The following MYO5B variants were observed in gnomAD, a reference collection of about 807,000 sequenced individuals.
MYO5B encodes myosin VB.
A neutral mutation model predicts 229.3 loss-of-function variants in MYO5B; 143 were observed. The observed-to-expected ratio is 0.62, with a 90% CI of 0.54 to 0.72. The LOEUF (loss-of-function observed/expected upper bound fraction) is 0.72. Ranked by LOEUF, MYO5B falls within the 30% of genes least tolerant of loss-of-function variation. The pLI, the probability that MYO5B is intolerant of heterozygous loss-of-function variation, is 0.00. For synonymous variants in MYO5B, 918 were observed against 885.2 expected, an observed-to-expected ratio of 1.04 and a Z score of -0.66; for missense variants, 2,321 against 2,331.0, an observed-to-expected ratio of 1.00 and a Z score of 0.09.
At chr18:49,958,611 G>A (rs549537738) in intron 12 of MYO5B, among the ~76,000 whole-genome samples, 20 of 152,110 alleles carry the variant, frequency 1.3e-4, no homozygotes, top group Non-Finnish European at 1.9e-4. Flanking sequence ...CTGGAGGGCC[G>A]CAGTCCACCC....
At chr18:49,940,209 A>T (rs1373889077) in intron 14 of MYO5B, among the ~76,000 whole-genome samples, 1 of 152,364 alleles carries the variant, frequency 6.6e-6, no homozygotes, top group Non-Finnish European at 1.5e-5. Context: ...AGCATATCAA[A>T]ACAACGCAAT....
At chr18:50,147,664 G>A (rs185231387) in intron 1 of MYO5B, among the ~76,000 whole-genome samples, 147 of 152,066 alleles carry the variant, frequency 9.7e-4, no homozygotes, top group African/African-American at 3.4e-3. Flanking sequence ...TAACATCTTC[G>A]GTAGCATACA....
intron 7 of MYO5B, among the ~76,000 whole-genome samples, chr18:49,989,589 C>CCA (rs1268331665): frequency 6.6e-6 from 1 of 152,084 alleles, no homozygotes; most frequent in Admixed American, 6.5e-5. Context: ...AGTCATTACC[C>CCA]CATAAGGACC....
At chr18:50,169,978 CT>C (rs2032903007) in intron 1 of MYO5B, among the ~76,000 whole-genome samples, 1 of 127,118 alleles carries the variant, frequency 7.9e-6, no homozygotes, top group Non-Finnish European at 1.7e-5. Flanking sequence ...AAAATAAACT[CT>C]TTGATTGTCG....
intron 1 of MYO5B, among the ~76,000 whole-genome samples, chr18:50,067,403 C>G (rs1020328299): frequency 6.6e-6 from 1 of 152,204 alleles, no homozygotes; most frequent in African/African-American, 2.4e-5. Flanking sequence ...ACACACCCAT[C>G]AGATGAGCGG....
chr18:49,842,676 C>T (rs575973135), intron 34 of MYO5B, among the ~76,000 whole-genome samples: 1 of 152,340 alleles, frequency 6.6e-6, no homozygotes, highest in Non-Finnish European at 1.5e-5. Flanking sequence ...GCAGTGGCTG[C>T]ACTACATTCA....
chr18:50,001,216 G>A (rs1304226069), intron 5 of MYO5B, 39 bp downstream of exon 5: 6 of 1,613,650 alleles, frequency 3.7e-6, no homozygotes, highest in South Asian at 2.2e-5. Flanking sequence ...AGTGGGAGGA[G>A]CTCCAGCCAG....
At chr18:49,863,429 G>C in intron 28 of MYO5B, 102 bp from the exon 29 acceptor site, 1 of 975,628 alleles carries the variant, frequency 1.0e-6, no homozygotes, top group Non-Finnish European at 1.6e-6. Context: ...AAAAGACAAA[G>C]GCCTGGAAAG....
intron 22 of MYO5B, 154 bp from the exon 23 acceptor site, chr18:49,880,609 G>GT (rs745870492): frequency 3.6e-5 from 25 of 697,070 alleles, no homozygotes; most frequent in Non-Finnish European, 5.9e-5. Context: ...GAAAAATTGT[G>GT]TACTGAAAGA....
At chr18:49,929,760 A>G (rs1185926905) in intron 16 of MYO5B, among the ~76,000 whole-genome samples, 162 bp from the exon 17 acceptor site, 1 of 152,222 alleles carries the variant, frequency 6.6e-6, no homozygotes, top group Admixed American at 6.5e-5. Flanking sequence ...GGGATTAGGC[A>G]TAGACTAAAA....
At chr18:50,021,871 G>A (rs530181670) in intron 4 of MYO5B, among the ~76,000 whole-genome samples, 2 of 152,248 alleles carry the variant, frequency 1.3e-5, no homozygotes, top group African/African-American at 2.4e-5. Flanking sequence ...TTTGGGGTTA[G>A]ATCTGGGAAG....
intron 5 of MYO5B, among the ~76,000 whole-genome samples, chr18:50,000,391 G>A (rs1467344057): frequency 2.0e-5 from 3 of 152,146 alleles, no homozygotes; most frequent in African/African-American, 4.8e-5. Flanking sequence ...TAAAACAAAC[G>A]GACTGCCCAG....
intron 21 of MYO5B, among the ~76,000 whole-genome samples, chr18:49,895,910 C>T (rs76911443): frequency 0.015 from 2,226 of 152,200 alleles, 19 homozygotes; most frequent in South Asian, 0.038. Flanking sequence ...AAATCAGCAC[C>T]GCAAGAGTTG....
chr18:50,155,869 C>T (rs1011873429), intron 1 of MYO5B, among the ~76,000 whole-genome samples: 2 of 152,218 alleles, frequency 1.3e-5, no homozygotes, highest in African/African-American at 4.8e-5. Flanking sequence ...ATGACTTCAA[C>T]ATAAGTTTGG....
intron 1 of MYO5B, among the ~76,000 whole-genome samples, chr18:50,090,423 C>T (rs1378445320): frequency 6.6e-6 from 1 of 151,790 alleles, no homozygotes; most frequent in Non-Finnish European, 1.5e-5. Context: ...CATAAAAATG[C>T]AACCATTGCT....
intron 26 of MYO5B, among the ~76,000 whole-genome samples, chr18:49,875,137 C>T (rs907239265): frequency 6.6e-6 from 1 of 152,166 alleles, no homozygotes; most frequent in Admixed American, 6.5e-5. Flanking sequence ...CCAGTAGTTC[C>T]TTGAGATGGA....
chr18:50,088,123 G>A (rs777328304), intron 1 of MYO5B, among the ~76,000 whole-genome samples: 2 of 152,286 alleles, frequency 1.3e-5, no homozygotes, highest in African/African-American at 4.8e-5. Context: ...CGGCAGGACC[G>A]GTGTGGGGTG....
intron 27 of MYO5B, 114 bp from the exon 28 acceptor site, chr18:49,864,494 G>T (rs150878040): frequency 7.0e-7 from 1 of 1,435,120 alleles, no homozygotes; most frequent in Non-Finnish European, 9.5e-7. Flanking sequence ...CTCTTTAAAC[G>T]TTGACACACA....
intron 27 of MYO5B, among the ~76,000 whole-genome samples, chr18:49,868,194 G>A (rs929935882): frequency 1.3e-5 from 2 of 151,940 alleles, no homozygotes; most frequent in African/African-American, 4.8e-5. Flanking sequence ...TAAGTGGCAG[G>A]AATATGGATT....
Sources: gnomAD v4.1 joint callset for allele counts (sites outside exome capture counted in the v4.1 genomes callset) on GRCh38, gnomAD v4.1.1 for gene constraint, MANE v1.5 for transcripts, NCBI Gene and HGNC (gene_info 2026-07-23, HGNC 2026-07-21) for gene names.